The following CYP2C19 variants were observed in gnomAD, a reference collection of about 807,000 sequenced individuals.
CYP2C19 encodes cytochrome P450 family 2 subfamily C member 19.
CYP2C19 carries 59 observed loss-of-function variants against 40.9 expected under a neutral mutation model. That is an observed-to-expected ratio of 1.44 (90% CI 1.17 to 1.79). CYP2C19 has a LOEUF of 1.79. Among genes scored for constraint, CYP2C19 ranks in the 40% most tolerant of loss-of-function variants. The pLI is 0.00. For missense variants in CYP2C19, 754 were observed against 596.9 expected (o/e 1.26, Z -2.74); for synonymous variants, 253 against 208.7 (o/e 1.21, Z -1.83).
chr10:94,803,406 A>G (rs1848792507), intron 5 of CYP2C19, among the ~76,000 whole-genome samples: 1 of 152,180 alleles, frequency 6.6e-6, no homozygotes, highest in Non-Finnish European at 1.5e-5. Flanking sequence ...CTTGTGAGCA[A>G]AAGCCAGCTG....
chr10:94,820,146 A>C (rs1849089356), intron 5 of CYP2C19, among the ~76,000 whole-genome samples: 1 of 151,988 alleles, frequency 6.6e-6, no homozygotes, highest in Non-Finnish European at 1.5e-5. Context: ...AAACCACATC[A>C]TTATCTCAAT....
Position 94,842,935 on chromosome 10 carries a change from G to C in CYP2C19, c.1060G>C (p.Glu354Gln), listed in dbSNP as rs747508319. ...HMPYTDAVVHEVQRYIDLIPT... is the reference protein window; with the variant it reads ...HMPYTDAVVHQVQRYIDLIPT... ...GCCCTACACAGATGCTGTGGTGCAC[G>C]AGGTCCAGAGATACATCGACCTCAT... The change falls in exon 7 of 9, where the codon GAG (glutamate) becomes CAG (glutamine). Residue 354 changes from glutamate to glutamine, a missense_variant. Transcript: ENST00000371321. 3.1e-6 allele frequency: 5 copies of C among 1,614,090 alleles called. No homozygotes were observed. The East Asian group carries it at 8.9e-5, about 29-fold the overall frequency.
chr10:94,798,063 A>T (rs916183222), intron 5 of CYP2C19, among the ~76,000 whole-genome samples: 2 of 151,788 alleles, frequency 1.3e-5, no homozygotes, highest in Non-Finnish European at 1.5e-5. Flanking sequence ...TTGCTTCTCT[A>T]GTTCTTTTAA....
At chr10:94,779,227 C>A (rs551810447) in intron 3 of CYP2C19, among the ~76,000 whole-genome samples, 2 of 152,122 alleles carry the variant, frequency 1.3e-5, no homozygotes, top group Admixed American at 1.3e-4. Context: ...CACATGTATA[C>A]CTATGTAACA....
At chr10:94,762,952 T>G (rs2134227294) in intron 1 of CYP2C19, 79 bp downstream of exon 1, 1 of 1,393,396 alleles carries the variant, frequency 7.2e-7, no homozygotes, top group Non-Finnish European at 1.0e-6. Flanking sequence ...TCCCTAGAGG[T>G]ACAATGTTAC....
chr10:94,797,919 T>C (rs150254833), intron 5 of CYP2C19, among the ~76,000 whole-genome samples: 118 of 152,274 alleles, frequency 7.7e-4, no homozygotes, highest in Middle Eastern at 3.4e-3. Context: ...CTATCAGTTT[T>C]GTTGATCTTT....
At chr10:94,785,620 A>T (rs544728780) in intron 5 of CYP2C19, among the ~76,000 whole-genome samples, 9 of 152,290 alleles carry the variant, frequency 5.9e-5, no homozygotes, top group African/African-American at 1.9e-4. Flanking sequence ...AATTAAGAAG[A>T]AATTACTTAG....
intron 3 of CYP2C19, among the ~76,000 whole-genome samples, chr10:94,779,551 T>TTTTTCATTTC (rs1848455040): frequency 7.3e-6 from 1 of 136,166 alleles, no homozygotes; most frequent in Non-Finnish European, 1.6e-5. Context: ...CTTTTTTTCC[T>TTTTTCATTTC]TTTTCTTTTC....
intron 6 of CYP2C19, among the ~76,000 whole-genome samples, chr10:94,840,097 T>G (rs1447021866): frequency 6.6e-6 from 1 of 152,200 alleles, no homozygotes; most frequent in African/African-American, 2.4e-5. Context: ...TTCTACCGAC[T>G]GAATGCATTT....
rs765609647 is a variant in CYP2C19 at position 94,775,427 on chromosome 10, C to G, written c.369C>G (p.Ile123Met). The G allele has an allele frequency of 1.9e-6, 3 of 1,613,878 alleles. No individual in the cohort carries two copies. In the African/African-American group the frequency reaches 4.0e-5, roughly 22 times the overall value. ...GCAATGGAAAGAGATGGAAGGAGATCCGGCGTTTCTCCCTCATGACGCTGC... is the reference window on the plus strand; with the variant it reads ...GCAATGGAAAGAGATGGAAGGAGATGCGGCGTTTCTCCCTCATGACGCTGC... Reference protein sequence around the residue: ...VFSNGKRWKEIRRFSLMTLRN... With the variant: ...VFSNGKRWKEMRRFSLMTLRN... The change falls in exon 3 of 9, where the codon ATC becomes ATG. Residue 123 changes from isoleucine to methionine, a missense_variant. Ile to Met is a conservative substitution (Grantham distance 10, BLOSUM62 1). Coordinates refer to ENST00000371321, the MANE Select transcript of CYP2C19 (RefSeq NM_000769.4).
chr10:94,826,259 T>C (rs1276138451), intron 6 of CYP2C19, among the ~76,000 whole-genome samples: 2 of 152,100 alleles, frequency 1.3e-5, no homozygotes, highest in Non-Finnish European at 2.9e-5. Flanking sequence ...AGTATGGCCA[T>C]TTTCACAATA....
At position 94,819,171 on chromosome 10, in the gene CYP2C19, A is replaced by C. The variant is rs1176281119; in HGVS notation, c.820-1325A>C. Among the ~76,000 whole-genome samples, 9 of 148,202 alleles carry C rather than the reference A, an allele frequency of 6.1e-5. No individual in the cohort carries two copies. In the East Asian group the frequency reaches 1.6e-3, roughly 26 times the overall value. On this transcript the variant is annotated intron_variant, in intron 5 of 8. Transcript: ENST00000371321. ...ATATAACGAAATGAAGGCAGAAATA[A>C]AGATGTTCTTTGAAACCAACGAGAA... is the stretch of plus-strand genomic sequence containing the variant.
intron 1 of CYP2C19, among the ~76,000 whole-genome samples, chr10:94,769,026 C>T (rs1025233560): frequency 9.2e-5 from 14 of 152,054 alleles, no homozygotes; most frequent in Admixed American, 9.2e-4. Flanking sequence ...AAGGAATGCC[C>T]ACAATTGTTT....
At chr10:94,802,813 T>C (rs1474968777) in intron 5 of CYP2C19, among the ~76,000 whole-genome samples, 1 of 152,172 alleles carries the variant, frequency 6.6e-6, no homozygotes, top group Non-Finnish European at 1.5e-5. Flanking sequence ...TGCTTGTCTG[T>C]AAAGGATTTT....
intron 8 of CYP2C19, among the ~76,000 whole-genome samples, chr10:94,852,237 A>C (rs557192183): frequency 1.4e-5 from 2 of 146,634 alleles, no homozygotes; most frequent in South Asian, 4.9e-4. Context: ...TAAAGTTTTA[A>C]AGTGAGGGGG....
chr10:94,828,885 C>T (rs1038542240), intron 6 of CYP2C19, among the ~76,000 whole-genome samples: 2 of 152,044 alleles, frequency 1.3e-5, no homozygotes, highest in East Asian at 3.9e-4. Flanking sequence ...TCAGCATTTG[C>T]TTGTCTGTAA....
At chr10:94,847,619 T>A (rs1366456157) in intron 7 of CYP2C19, among the ~76,000 whole-genome samples, 2 of 152,164 alleles carry the variant, frequency 1.3e-5, no homozygotes, top group Non-Finnish European at 2.9e-5. Context: ...GGTCAAGCGG[T>A]ATTTCTAGTT....
At chr10:94,843,161 T>G (rs1269101371) in intron 7 of CYP2C19, 137 bp downstream of exon 7, 1 of 1,065,320 alleles carries the variant, frequency 9.4e-7, no homozygotes, top group African/African-American at 1.6e-5. Flanking sequence ...GACTTTCTGT[T>G]GATTCCAGTT....
intron 7 of CYP2C19, among the ~76,000 whole-genome samples, chr10:94,845,436 G>T (rs1383837346): frequency 6.6e-6 from 1 of 152,140 alleles, no homozygotes; most frequent in Non-Finnish European, 1.5e-5. Flanking sequence ...TGGCAGGATG[G>T]ACTTGTGCAG....
Sources: gnomAD v4.1 joint callset for allele counts (sites outside exome capture counted in the v4.1 genomes callset) on GRCh38, gnomAD v4.1.1 for gene constraint, MANE v1.5 for transcripts, NCBI Gene and HGNC (gene_info 2026-07-23, HGNC 2026-07-21) for gene names.